The following COQ8A variants were observed in gnomAD, a reference collection of about 807,000 sequenced individuals.
The protein encoded by COQ8A is coenzyme Q8A, also known as atypical kinase COQ8A, mitochondrial.
COQ8A carries 51 observed loss-of-function variants against 65.0 expected under a neutral mutation model. The observed-to-expected ratio is 0.78, with a 90% CI of 0.63 to 0.99. The LOEUF (loss-of-function observed/expected upper bound fraction) is 0.99. COQ8A is among the 50% of genes least tolerant of loss of function. COQ8A has a pLI of 0.00. For synonymous variants in COQ8A, 371 were observed against 353.2 expected, an observed-to-expected ratio of 1.05 and a Z score of -0.57; for missense variants, 940 against 875.0, an observed-to-expected ratio of 1.07 and a Z score of -0.94.
rs746410263 is a variant in COQ8A, at chr1:226,983,862, CCCCGGCCGGG to C, written c.1256+12_1256+21del. On this transcript the variant is annotated intron_variant, in intron 10 of 14. Coordinates refer to ENST00000366777, the MANE Select transcript of COQ8A (RefSeq NM_020247.5). ...CTGTGCCCGCAAGTTCAGGTGTGGCCCCCGGCCGGGCCCCTTGCGTGTTTGCACCAGGGAG... is the reference window on the plus strand; with the variant it reads ...CTGTGCCCGCAAGTTCAGGTGTGGCCCCCCTTGCGTGTTTGCACCAGGGAG... 6.2e-7 allele frequency: 1 copy of C among 1,601,744 alleles called. No homozygotes were observed. Among genetic ancestry groups the C allele is most frequent in the Admixed American group, 1.7e-5 (1 of 59,188 alleles).
At chr1:226,948,281 A>G (rs528243739) in intron 1 of COQ8A, among the ~76,000 whole-genome samples, 3 of 152,186 alleles carry the variant, frequency 2.0e-5, no homozygotes, top group East Asian at 1.9e-4. Context: ...CTTCCTCACA[A>G]TGGCATCACT....
Position 226,986,779 on chromosome 1 carries a change from C to T in COQ8A, c.*42C>T, listed in dbSNP as rs747917922. On this transcript the variant is annotated 3_prime_UTR_variant, in exon 15 of 15. Transcript: ENST00000366777. ...CAGGCCGGCTCCGCGGGAACTCTCT[C>T]CCTCAGACAGGCCAAAAACCAGTAG... 6.1e-5 allele frequency: 98 copies of T among 1,597,734 alleles called. No homozygotes were observed. The highest frequency in any genetic ancestry group is 8.2e-5 in the Non-Finnish European group (97 of 1,175,874).
In COQ8A at chr1:226,986,573, A is replaced by G; in HGVS notation, c.1780A>G (p.Met594Val). ...TEKIHNLIPV[M>V]LRHRLVPPPE... The stretch of plus-strand genomic sequence containing the variant: ...GAAGATCCACAACCTGATTCCCGTC[A>G]TGCTGAGGCACCGTCTCGTCCCCCC... Residue 594 changes from methionine to valine, a missense_variant, in exon 15 of 15, where the codon ATG becomes GTG. Coordinates refer to ENST00000366777, the MANE Select transcript of COQ8A (RefSeq NM_020247.5). The G allele has an allele frequency of 6.2e-7, 1 of 1,613,540 alleles. No homozygotes were observed.
chr1:226,960,001 G>C (rs1195932786), intron 1 of COQ8A, among the ~76,000 whole-genome samples: 10 of 151,874 alleles, frequency 6.6e-5, no homozygotes, highest in African/African-American at 2.4e-4. Flanking sequence ...GTTGGTGCTT[G>C]GTGGTGGTGT....
Position 226,946,595 on chromosome 1 carries a change from C to T in COQ8A, c.-10+6196C>T, listed in dbSNP as rs1262987782. ...CCCCTTGCACCCTGCTGAGCCTCTT[C>T]TCATTTCTCGTTGCGTGTGTGGTTG... On this transcript the variant is annotated intron_variant, in intron 1 of 14. Coordinates refer to ENST00000366777, the MANE Select transcript of COQ8A (RefSeq NM_020247.5). This position sits in a 1 kb window ranked among gnomAD's most constrained non-coding sequence, Gnocchi z 5.3. 2.6e-5 allele frequency among the ~76,000 whole-genome samples: 4 copies of T among 152,178 alleles called. No individual in the cohort carries two copies. The highest frequency in any genetic ancestry group is 5.9e-5 in the Non-Finnish European group (4 of 68,026).
rs1025093152 is a variant in COQ8A, at chr1:226,986,493, G to C, written c.1700G>C (p.Gly567Ala). The change falls in exon 15 of 15, where the codon GGG (glycine) becomes GCG (alanine). Residue 567 changes from glycine (G) to alanine (A), a missense_variant. By Grantham distance (60) the Gly-to-Ala change is moderately conservative. Coordinates refer to ENST00000366777, the MANE Select transcript of COQ8A (RefSeq NM_020247.5). ...CACTTGGATGCCATCCTCATCCTGGGGGAGGCCTTCGCCTCTGATGAGCCT... is the reference window on the plus strand; with the variant it reads ...CACTTGGATGCCATCCTCATCCTGGCGGAGGCCTTCGCCTCTGATGAGCCT... Reference protein sequence around the residue: ...DAHLDAILILGEAFASDEPFD... With the variant: ...DAHLDAILILAEAFASDEPFD... The C allele has an allele frequency of 2.5e-6, 4 of 1,613,214 alleles. No homozygotes were observed. In the African/African-American group the frequency reaches 4.0e-5, roughly 16 times the overall value.
At chr1:226,976,375 C>T (rs1409203139) in intron 4 of COQ8A, among the ~76,000 whole-genome samples, 2 of 148,202 alleles carry the variant, frequency 1.3e-5, no homozygotes, top group African/African-American at 2.5e-5. Context: ...TGCCTGGCTG[C>T]GGGGCTGTGG....
In COQ8A at chr1:226,984,181, G is replaced by A. The variant is rs1208452195; in HGVS notation, c.1344G>A (p.Val448=). The change falls in exon 11 of 15, where the codon GTG becomes GTA. Residue 448 remains valine (V), a synonymous_variant. Coordinates refer to ENST00000366777, the MANE Select transcript of COQ8A (RefSeq NM_020247.5). The stretch of plus-strand genomic sequence containing the variant: ...CACATGTGCTGACCACAGAGCTGGT[G>A]TCTGGCTTCCCCCTGGACCAGGCCG... The part of the protein sequence containing the change: ...CSPHVLTTEL[V]SGFPLDQAEG... The A allele has an allele frequency of 1.2e-6, 2 of 1,613,760 alleles. No individual in the cohort carries two copies. The highest frequency in any genetic ancestry group is 2.7e-5 in the African/African-American group (2 of 74,940).
chr1:226,943,332 C>T (rs1436353574), intron 1 of COQ8A, among the ~76,000 whole-genome samples: 2 of 152,156 alleles, frequency 1.3e-5, no homozygotes, highest in East Asian at 1.9e-4. Context: ...TCTGGAGATA[C>T]TTCTGTCATT....
chr1:226,971,550 G>A (rs563248372), intron 4 of COQ8A, among the ~76,000 whole-genome samples: 5,159 of 149,740 alleles, frequency 0.034, 326 homozygotes, highest in African/African-American at 0.12. Flanking sequence ...ATCTCAAAAA[G>A]AAAAAGAAAA....
intron 5 of COQ8A, among the ~76,000 whole-genome samples, chr1:226,979,566 A>T (rs1379481237): frequency 6.6e-6 from 1 of 151,304 alleles, no homozygotes; most frequent in African/African-American, 2.4e-5. Context: ...ACGCCCTTCC[A>T]CCCCCGTCCA....
In COQ8A at chr1:226,982,927, C is replaced by T. The variant is rs565573577; in HGVS notation, c.973C>T (p.Arg325Trp). Residue 325 changes from arginine (R) to tryptophan (W), a missense_variant, in exon 8 of 15, where the codon CGG becomes TGG. Transcript: ENST00000366777. ...TLNNDLGPNW[R>W]DKLEYFEERP... ...CAACAACGACCTGGGCCCCAACTGG[C>T]GGGACAAGTTGGAATACTTCGAGGA... The T allele has an allele frequency of 2.4e-5, 39 of 1,612,186 alleles. No individual in the cohort carries two copies. The highest frequency in any genetic ancestry group is 1.7e-4 in the Middle Eastern group (1 of 6,048).
intron 2 of COQ8A, among the ~76,000 whole-genome samples, chr1:226,964,786 C>T (rs953895579): frequency 3.9e-5 from 6 of 152,206 alleles, no homozygotes; most frequent in Non-Finnish European, 8.8e-5. Context: ...CACCTAGGAC[C>T]ACACAGCAGA....
chr1:226,980,316 C>A (rs1483810549), intron 5 of COQ8A, among the ~76,000 whole-genome samples: 1 of 152,238 alleles, frequency 6.6e-6, no homozygotes, highest in Non-Finnish European at 1.5e-5. Context: ...ACCAGCTTTG[C>A]CAATGGGCTA....
chr1:226,948,503 C>T (rs963758629), intron 1 of COQ8A, among the ~76,000 whole-genome samples: 9 of 152,184 alleles, frequency 5.9e-5, no homozygotes, highest in Non-Finnish European at 1.2e-4. Flanking sequence ...CATTATTCAG[C>T]CTACCACAGC....
At chr1:226,966,037 C>G (rs548931371) in intron 4 of COQ8A, among the ~76,000 whole-genome samples, 3 of 152,386 alleles carry the variant, frequency 2.0e-5, no homozygotes, top group Admixed American at 2.0e-4. Flanking sequence ...TGCAGCATCT[C>G]TGTTTCACCC....
At chr1:226,951,212 G>A (rs1249344472) in intron 1 of COQ8A, among the ~76,000 whole-genome samples, 1 of 152,192 alleles carries the variant, frequency 6.6e-6, no homozygotes, top group Admixed American at 6.5e-5. Flanking sequence ...TTGCAAGGGG[G>A]TTCTTGTAAA....
At chr1:226,948,480 A>G (rs999090991) in intron 1 of COQ8A, among the ~76,000 whole-genome samples, 4 of 152,192 alleles carry the variant, frequency 2.6e-5, no homozygotes, top group Non-Finnish European at 5.9e-5. Flanking sequence ...TGGTATGGGT[A>G]TCTTTGAGAC....
At chr1:226,952,974 A>G (rs766503958) in intron 1 of COQ8A, among the ~76,000 whole-genome samples, 1 of 152,154 alleles carries the variant, frequency 6.6e-6, no homozygotes, top group Admixed American at 6.5e-5. Flanking sequence ...TCCCGGGAAT[A>G]TATAATAATA....
Sources: allele counts gnomAD v4.1 joint callset (sites outside exome capture counted in the v4.1 genomes callset), GRCh38; gene constraint gnomAD v4.1.1; non-coding constraint Gnocchi (gnomAD v3.1); transcripts MANE v1.5; gene names NCBI Gene and HGNC (gene_info 2026-07-23, HGNC 2026-07-21).